The following TRAFD1 variants were observed in gnomAD, a reference collection of about 807,000 sequenced individuals.
TRAFD1 encodes TRAF-type zinc finger domain-containing protein 1.
TRAFD1 carries 38 observed loss-of-function variants against 65.3 expected under a neutral mutation model. The ratio of observed to expected loss-of-function variants is 0.58; its 90% confidence interval spans 0.45 to 0.76. The LOEUF is 0.76. Ranked by LOEUF, TRAFD1 falls within the 30% of genes least tolerant of loss-of-function variation. TRAFD1 has a pLI of 0.00. For synonymous variants in TRAFD1, 223 were observed against 257.2 expected (o/e 0.87, Z 1.27); for missense variants, 631 against 712.6 (o/e 0.89, Z 1.30).
intron 3 of TRAFD1, 39 bp downstream of exon 3, chr12:112,134,912 T>C (rs1381576120): frequency 2.5e-6 from 4 of 1,612,016 alleles, no homozygotes; most frequent in South Asian, 1.1e-5. Context: ...ACATGTGTTA[T>C]ACTTGCTGTT....
intron 6 of TRAFD1, 72 bp from the exon 7 acceptor site, chr12:112,145,514 A>AT: frequency 6.8e-7 from 1 of 1,480,632 alleles, no homozygotes; most frequent in Non-Finnish European, 9.4e-7. Context: ...AAGACCCCAT[A>AT]AAGAGGATAA....
At chr12:112,128,168 G>A (rs917888748) in intron 1 of TRAFD1, among the ~76,000 whole-genome samples, 1 of 151,750 alleles carries the variant, frequency 6.6e-6, no homozygotes, top group Non-Finnish European at 1.5e-5. Flanking sequence ...ACAGGCACCC[G>A]GCTAATTTTT....
chr12:112,130,454 G>C lies in TRAFD1; in HGVS notation c.-12-57G>C. 7.0e-7 allele frequency: 1 copy of C among 1,425,144 alleles called. No individual in the cohort carries two copies. Among genetic ancestry groups the C allele is most frequent in the Non-Finnish European group, 9.8e-7 (1 of 1,019,648 alleles). The allele number at this position is 1,425,144 out of a possible 1,614,324, so 88.3% of individuals were successfully genotyped here. A position where few individuals can be genotyped will look rare whatever the true frequency, so the allele number is the denominator to read the frequency against. On this transcript the variant is annotated intron_variant, in intron 1 of 11. Coordinates refer to ENST00000412615, the MANE Select transcript of TRAFD1 (RefSeq NM_006700.3). The surrounding 1 kb of genome is among the most constrained non-coding windows in gnomAD (Gnocchi z 4.4). The stretch of plus-strand genomic sequence containing the variant: ...TAGTTTTTTATTTGTTTTTTTGCAT[G>C]TCATCTTTAAAGCAGAAATGAAAGA...
Position 112,151,849 on chromosome 12 carries a change from A to G in TRAFD1, c.1328A>G (p.Asn443Ser), listed in dbSNP as rs569705103. The G allele has an allele frequency of 1.2e-5, 19 of 1,614,204 alleles. No homozygotes were observed. In the South Asian group the frequency reaches 1.9e-4, roughly 16 times the overall value. The change falls in exon 10 of 12, where the codon AAT (asparagine) becomes AGT (serine). Residue 443 changes from asparagine (N) to serine (S), a missense_variant. Physicochemically the swap from Asn to Ser is conservative, Grantham distance 46. Transcript: ENST00000412615. Reference sequence around the variant, plus strand: ...GATGATACTAAGCAGGAAACAGCTAATGGGCCCACCTCCTGTCTGCCTCCC... The same window carrying G: ...GATGATACTAAGCAGGAAACAGCTAGTGGGCCCACCTCCTGTCTGCCTCCC... ...YLDDTKQETA[N>S]GPTSCLPPSR... is the part of the protein sequence containing the mutation.
chr12:112,143,037 C>T (rs972286220), intron 6 of TRAFD1, among the ~76,000 whole-genome samples: 2 of 150,612 alleles, frequency 1.3e-5, no homozygotes, highest in East Asian at 3.9e-4. Context: ...CCTGCCTCAA[C>T]CTCCTGAGTA....
intron 8 of TRAFD1, 122 bp downstream of exon 8, chr12:112,148,426 G>C (rs1359982573): frequency 7.3e-6 from 6 of 824,540 alleles, no homozygotes; most frequent in African/African-American, 6.8e-5. Flanking sequence ...CACACACTTG[G>C]CTTCTGGCCA....
At chr12:112,150,877 ATTAC>A (rs1479222012) in intron 9 of TRAFD1, among the ~76,000 whole-genome samples, 2 of 151,724 alleles carry the variant, frequency 1.3e-5, no homozygotes. Context: ...ACTTATTATT[ATTAC>A]TTAAGACCAT....
intron 4 of TRAFD1, chr12:112,140,177 T>C: frequency 3.2e-6 from 1 of 308,368 alleles, no homozygotes; most frequent in Non-Finnish European, 6.5e-6. Flanking sequence ...TCCCAGCACT[T>C]TGGGAGGCTG....
intron 9 of TRAFD1, among the ~76,000 whole-genome samples, chr12:112,150,272 C>T (rs555794451): frequency 9.0e-4 from 137 of 152,176 alleles, no homozygotes; most frequent in African/African-American, 3.2e-3. Context: ...TTTGTAGAGA[C>T]AGAGTCTTGC....
intron 8 of TRAFD1, among the ~76,000 whole-genome samples, 190 bp downstream of exon 8, chr12:112,148,494 C>T (rs1196231526): frequency 6.6e-6 from 1 of 152,246 alleles, no homozygotes; most frequent in East Asian, 1.9e-4. Context: ...GACTTTCCCT[C>T]CCTTTGGGCA....
At chr12:112,138,998 A>G (rs1015539911) in intron 4 of TRAFD1, among the ~76,000 whole-genome samples, 13 of 152,178 alleles carry the variant, frequency 8.5e-5, no homozygotes, top group African/African-American at 3.1e-4. Context: ...GCAGAGGAAC[A>G]GGGGAGAAGA....
intron 7 of TRAFD1, 148 bp downstream of exon 7, chr12:112,145,810 A>G (rs2030224065): frequency 4.3e-6 from 3 of 694,284 alleles, no homozygotes; most frequent in Admixed American, 3.1e-5. Flanking sequence ...TGTGAGTGGC[A>G]TACAGATATG....
At chr12:112,142,440 C>G (rs1566049724) in intron 6 of TRAFD1, 145 bp downstream of exon 6, 3 of 960,438 alleles carry the variant, frequency 3.1e-6, no homozygotes, top group Non-Finnish European at 4.5e-6. Context: ...TTTTTTGGGA[C>G]AGTCTCGCCC....
chr12:112,151,977 C>T lies in TRAFD1; in HGVS notation c.1456C>T (p.Leu486Phe). Reference sequence around the variant, plus strand: ...GCCCAGCTCTCCTTGTGTGCCGAAGCTCAGCAACTCAGACAGCCAGGACAT... The same window carrying T: ...GCCCAGCTCTCCTTGTGTGCCGAAGTTCAGCAACTCAGACAGCCAGGACAT... ...CQPSSPCVPKLSNSDSQDIQG... is the reference protein window; with the variant it reads ...CQPSSPCVPKFSNSDSQDIQG... The change falls in exon 10 of 12, where the codon CTC becomes TTC. Residue 486 changes from leucine to phenylalanine, a missense_variant. Leu to Phe is a conservative substitution (Grantham distance 22). Coordinates refer to ENST00000412615, the MANE Select transcript of TRAFD1 (RefSeq NM_006700.3). 3 of 1,614,248 alleles carry T rather than the reference C, an allele frequency of 1.9e-6. No individual in the cohort carries two copies. Among genetic ancestry groups the T allele is most frequent in the Non-Finnish European group, 2.5e-6 (3 of 1,180,048 alleles).
intron 1 of TRAFD1, among the ~76,000 whole-genome samples, chr12:112,129,963 T>G (rs1392299801): frequency 6.7e-5 from 10 of 149,922 alleles, no homozygotes; most frequent in African/African-American, 2.2e-4. Context: ...ATTATTATTA[T>G]TTTTGAGACA....
At position 112,129,193 on chromosome 12, in the gene TRAFD1, ATTT is replaced by A. The variant is rs56949881; in HGVS notation, c.-12-1294_-12-1292del. 4.6e-3 allele frequency among the ~76,000 whole-genome samples: 374 copies of A among 81,362 alleles called. 2 individuals carry two copies. Among genetic ancestry groups the A allele is most frequent in the African/African-American group, 0.02 (332 of 16,888 alleles). The allele number at this position is 81,362 out of a possible 152,430, so 53.4% of individuals were successfully genotyped here. ...GAACCAGAAAAAGGGTGGGATGGTG[ATTT>A]TTTTTTTTTTTTTTTTTTTTTTTGA... On this transcript the variant is annotated intron_variant, in intron 1 of 11. Transcript: ENST00000412615.
Position 112,145,663 on chromosome 12 carries a change from G to C in TRAFD1, c.927+1G>C. On this transcript the variant is annotated splice_donor_variant, in intron 7 of 11. Coordinates refer to ENST00000412615, the MANE Select transcript of TRAFD1 (RefSeq NM_006700.3). LOFTEE classifies it high-confidence loss of function. Reference sequence around the variant, plus strand: ...AGAGGAACTGCTGATTGACCATCAGGTGTGTTATGAATTACTTGAGGACTT... The same window carrying C: ...AGAGGAACTGCTGATTGACCATCAGCTGTGTTATGAATTACTTGAGGACTT... The C allele has an allele frequency of 6.2e-7, 1 of 1,614,006 alleles. No individual in the cohort carries two copies. Among genetic ancestry groups the C allele is most frequent in the Non-Finnish European group, 8.5e-7 (1 of 1,179,942 alleles).
chr12:112,142,355 T>G (rs1185726106), intron 6 of TRAFD1, 60 bp downstream of exon 6: 1 of 1,507,428 alleles, frequency 6.6e-7, no homozygotes, highest in Non-Finnish European at 9.0e-7. Context: ...TCTTAGGTTA[T>G]ACAATTCTTA....
At chr12:112,127,031 C>T (rs1158663309) in intron 1 of TRAFD1, among the ~76,000 whole-genome samples, 1 of 152,182 alleles carries the variant, frequency 6.6e-6, no homozygotes, top group African/African-American at 2.4e-5. Context: ...GGAATCGAAT[C>T]CAATATTCTT....
Sources: allele counts gnomAD v4.1 joint callset (sites outside exome capture counted in the v4.1 genomes callset), GRCh38; gene constraint gnomAD v4.1.1; non-coding constraint Gnocchi (gnomAD v3.1); transcripts MANE v1.5; gene names NCBI Gene and HGNC (gene_info 2026-07-23, HGNC 2026-07-21).